Variants in CCPG1 observed in about 807,000 individuals in gnomAD.
The protein encoded by CCPG1 is cell cycle progression 1, also known as cell cycle progression protein 1.
In CCPG1, 46 loss-of-function variants were observed where a neutral mutation model predicts 81.3. The ratio of observed to expected loss-of-function variants is 0.57; its 90% confidence interval spans 0.45 to 0.72. The LOEUF (loss-of-function observed/expected upper bound fraction) is 0.72. Among genes scored for constraint, CCPG1 ranks in the 30% least tolerant of loss-of-function variants. The probability of loss-of-function intolerance (pLI) is 0.00; values close to 1 mark genes in which losing one functional copy is unlikely to be tolerated. For missense variants in CCPG1, 902 were observed against 937.6 expected, an observed-to-expected ratio of 0.96 and a Z score of 0.50; for synonymous variants, 330 against 305.2, an observed-to-expected ratio of 1.08 and a Z score of -0.85.
intron 1 of CCPG1, among the ~76,000 whole-genome samples, chr15:55,403,524 A>G (rs1732368566): frequency 6.6e-6 from 1 of 152,176 alleles, no homozygotes; most frequent in Admixed American, 6.5e-5. Flanking sequence ...GTTTCCACAC[A>G]TTAAATACCC....
chr15:55,365,717 C>T (rs750309089), intron 6 of CCPG1, among the ~76,000 whole-genome samples: 1 of 151,532 alleles, frequency 6.6e-6, no homozygotes, highest in Non-Finnish European at 1.5e-5. Flanking sequence ...CTGGCCATAA[C>T]CTATGTAATC....
intron 2 of CCPG1, among the ~76,000 whole-genome samples, chr15:55,388,997 G>A (rs2056858896): frequency 6.8e-6 from 1 of 146,282 alleles, no homozygotes; most frequent in South Asian, 2.2e-4. Flanking sequence ...CAGTCCAGTG[G>A]GGCGGAGGTT....
At chr15:55,368,607 G>T (rs1040182572) in intron 6 of CCPG1, among the ~76,000 whole-genome samples, 2 of 152,180 alleles carry the variant, frequency 1.3e-5, no homozygotes, top group Non-Finnish European at 1.5e-5. Context: ...ACAAGCAAAT[G>T]TAAGAATAAG....
Position 55,356,755 on chromosome 15 carries a change from A to C in CCPG1, c.2235-346T>G, listed in dbSNP as rs1036414405. On this transcript the variant is annotated intron_variant, in intron 8 of 8. Transcript: ENST00000442196. ...CTCCCCGCTGGCTTTATCACTCAGC[A>C]GAAATACATACACATCTCTCACAAA... 1.6e-5 allele frequency: 16 copies of C among 1,022,908 alleles called. No individual in the cohort carries two copies. In the African/African-American group the frequency reaches 2.6e-4, roughly 16 times the overall value. The allele number at this position is 1,022,908 out of a possible 1,614,324, so 63.4% of individuals were successfully genotyped here.
At chr15:55,366,181 G>A (rs1464712048) in intron 6 of CCPG1, among the ~76,000 whole-genome samples, 1 of 152,056 alleles carries the variant, frequency 6.6e-6, no homozygotes, top group Admixed American at 6.6e-5. Context: ...CTATATTGAA[G>A]GCACTCAGCT....
At chr15:55,405,124 G>A (rs7171766) in intron 1 of CCPG1, among the ~76,000 whole-genome samples, 17,463 of 152,038 alleles carry the variant, frequency 0.11, 1,502 homozygotes, top group African/African-American at 0.23. Context: ...ACTTTAGAAG[G>A]CTGAGGCAGG....
At chr15:55,373,701 C>T (rs1432586002) in intron 5 of CCPG1, among the ~76,000 whole-genome samples, 1 of 152,154 alleles carries the variant, frequency 6.6e-6, no homozygotes, top group Non-Finnish European at 1.5e-5. Flanking sequence ...TTACATAATA[C>T]AAAGGCATTC....
intron 2 of CCPG1, among the ~76,000 whole-genome samples, chr15:55,387,813 T>C (rs2056831589): frequency 1.0e-5 from 1 of 100,426 alleles, no homozygotes; most frequent in Non-Finnish European, 2.0e-5. Context: ...CCCAAAGTGC[T>C]GGAATTACAG....
At chr15:55,379,161 C>CGTGTGTGTGTGTCTGT (rs2056627381) in intron 3 of CCPG1, among the ~76,000 whole-genome samples, 1 of 134,682 alleles carries the variant, frequency 7.4e-6, no homozygotes, top group Non-Finnish European at 1.6e-5. Context: ...TGTATATGTA[C>CGTGTGTGTGTGTCTGT]GTGTGTGTGT....
intron 5 of CCPG1, among the ~76,000 whole-genome samples, chr15:55,373,959 A>G (rs2056505756): frequency 6.6e-6 from 1 of 152,262 alleles, no homozygotes. Flanking sequence ...CTTCTTTTAA[A>G]AAAGCTTAAT....
intron 1 of CCPG1, among the ~76,000 whole-genome samples, chr15:55,403,595 T>C (rs2057165339): frequency 6.6e-6 from 1 of 152,208 alleles, no homozygotes; most frequent in Non-Finnish European, 1.5e-5. Context: ...ATCATAGGGC[T>C]GAATTTCATC....
chr15:55,360,508 T>C lies in CCPG1; in HGVS notation c.1265A>G (p.Lys422Arg). 1.9e-6 allele frequency: 3 copies of C among 1,613,910 alleles called. No individual in the cohort carries two copies. The highest frequency in any genetic ancestry group is 1.6e-4 in the Middle Eastern group (1 of 6,062). ...TCTTTCCCGTAAGATTGCTATTTCC[T>C]TTTTTTCAGTATATACATTGGGAGA... ...SDSPNVYTEKKEIAILRERLT... is the reference protein window; with the variant it reads ...SDSPNVYTEKREIAILRERLT... Residue 422 changes from lysine (K) to arginine (R), a missense_variant, in exon 8 of 9, where the codon AAG becomes AGG. Transcript: ENST00000442196.
chr15:55,405,816 A>G (rs1321325108), intron 1 of CCPG1, among the ~76,000 whole-genome samples: 1 of 152,234 alleles, frequency 6.6e-6, no homozygotes, highest in African/African-American at 2.4e-5. Flanking sequence ...TTAAATTCAT[A>G]TAGTCTACAG....
intron 2 of CCPG1, among the ~76,000 whole-genome samples, chr15:55,387,198 A>C (rs1302992242): frequency 6.6e-6 from 1 of 152,228 alleles, no homozygotes; most frequent in African/African-American, 2.4e-5. Context: ...CCAGTACAGA[A>C]CACCCTAATG....
chr15:55,368,781 G>A (rs978747407), intron 6 of CCPG1, among the ~76,000 whole-genome samples: 1 of 152,180 alleles, frequency 6.6e-6, no homozygotes, highest in Non-Finnish European at 1.5e-5. Context: ...GCTGGCAAAC[G>A]CAGAATGATT....
chr15:55,392,816 C>G (rs1016429410), intron 1 of CCPG1, among the ~76,000 whole-genome samples: 1 of 152,148 alleles, frequency 6.6e-6, no homozygotes, highest in Admixed American at 6.5e-5. Flanking sequence ...TGTATCTGGT[C>G]AGATTTGGCC....
chr15:55,407,664 G>A (rs1229491910), intron 1 of CCPG1, among the ~76,000 whole-genome samples: 1 of 152,194 alleles, frequency 6.6e-6, no homozygotes. Context: ...AGCTAAAGGA[G>A]GCCACTGGAA....
intron 1 of CCPG1, among the ~76,000 whole-genome samples, chr15:55,398,789 C>A (rs1021218077): frequency 4.6e-5 from 7 of 152,052 alleles, no homozygotes; most frequent in African/African-American, 1.7e-4. Context: ...ACCATGTTGG[C>A]CAGGATGGTC....
Position 55,378,321 on chromosome 15 carries a change from C to T in CCPG1, c.231G>A (p.Glu77=), listed in dbSNP as rs2056608555. 6.2e-7 allele frequency: 1 copy of T among 1,610,868 alleles called. No homozygotes were observed. The highest frequency in any genetic ancestry group is 1.1e-5 in the South Asian group (1 of 90,916). Reference sequence around the variant, plus strand: ...TTACCTCAATTGTTGAGCTGGTTTCCTCCAAAGCTGGATAAGCAGTTTCTT... The same window carrying T: ...TTACCTCAATTGTTGAGCTGGTTTCTTCCAAAGCTGGATAAGCAGTTTCTT... ...LMEETAYPAL[E]ETSSTIEAEE... The change falls in exon 4 of 9, where the codon GAG becomes GAA. Residue 77 remains glutamate, a synonymous_variant. Transcript: ENST00000442196.
Sources: allele counts gnomAD v4.1 joint callset (sites outside exome capture counted in the v4.1 genomes callset), GRCh38; gene constraint gnomAD v4.1.1; transcripts MANE v1.5; gene names NCBI Gene and HGNC (gene_info 2026-07-23, HGNC 2026-07-21).